Variants in PTPRD observed in about 807,000 individuals in gnomAD.
PTPRD encodes receptor-type tyrosine-protein phosphatase delta.
In PTPRD, 34 loss-of-function variants were observed where a neutral mutation model predicts 214.5. The observed-to-expected ratio is 0.16, with a 90% CI of 0.12 to 0.21. The LOEUF (loss-of-function observed/expected upper bound fraction) is 0.21. Among genes scored for constraint, PTPRD ranks in the 10% least tolerant of loss-of-function variants. The probability of loss-of-function intolerance (pLI) is 1.00; values close to 1 mark genes in which losing one functional copy is unlikely to be tolerated. For synonymous variants in PTPRD, 1,128 were observed against 845.7 expected (o/e 1.33, Z -5.79); for missense variants, 2,545 against 2,398.7 (o/e 1.06, Z -1.27).
intron 35 of PTPRD, among the ~76,000 whole-genome samples, chr9:8,432,391 G>A (rs1590248907): frequency 6.6e-6 from 1 of 152,170 alleles, no homozygotes; most frequent in Non-Finnish European, 1.5e-5. Flanking sequence ...TACAGTACAG[G>A]AAGTGTCTCA....
At position 8,900,303 on chromosome 9, in the gene PTPRD, T is replaced by C. The variant is rs140867713; in HGVS notation, c.-104+118394A>G. Among the ~76,000 whole-genome samples the C allele has an allele frequency of 3.1e-3, 473 of 152,312 alleles. 4 individuals carry two copies. The highest frequency in any genetic ancestry group is 0.011 in the African/African-American group (437 of 41,572). On this transcript the variant is annotated intron_variant, in intron 11 of 45. Transcript: ENST00000381196. ...CAGGTTATCATACCATTAAAATATT[T>C]GTGCACAGGAATGAAGATATTGACA...
chr9:8,819,419 T>C (rs1365018756), intron 11 of PTPRD, among the ~76,000 whole-genome samples: 2 of 152,266 alleles, frequency 1.3e-5, no homozygotes, highest in South Asian at 2.1e-4. Context: ...TCCCAGCACT[T>C]TGGGAGGCTG....
At chr9:9,515,046 T>A (rs1451221002) in intron 8 of PTPRD, among the ~76,000 whole-genome samples, 1 of 152,142 alleles carries the variant, frequency 6.6e-6, no homozygotes, top group Non-Finnish European at 1.5e-5. Context: ...TACATTTATA[T>A]GTTGGGTAGC....
chr9:8,987,399 T>C (rs2099349879), intron 11 of PTPRD, among the ~76,000 whole-genome samples: 1 of 152,010 alleles, frequency 6.6e-6, no homozygotes. Flanking sequence ...AACACAATGA[T>C]TACTATGCTA....
intron 10 of PTPRD, among the ~76,000 whole-genome samples, chr9:9,173,322 C>CAT (rs1163740852): frequency 6.6e-6 from 1 of 152,144 alleles, no homozygotes. Context: ...GTCTGGTATT[C>CAT]AGCAAGTAAA....
At chr9:9,298,881 G>C (rs777067820) in intron 9 of PTPRD, among the ~76,000 whole-genome samples, 1 of 151,750 alleles carries the variant, frequency 6.6e-6, no homozygotes, top group Admixed American at 6.6e-5. Context: ...TATTAATCCT[G>C]TCAGCAATAC....
chr9:10,251,477 C>T (rs922056185), intron 3 of PTPRD, among the ~76,000 whole-genome samples: 1 of 151,356 alleles, frequency 6.6e-6, no homozygotes, highest in Non-Finnish European at 1.5e-5. Flanking sequence ...ATCTTCATTT[C>T]GAGTTATGTG....
intron 13 of PTPRD, among the ~76,000 whole-genome samples, chr9:8,634,407 T>C (rs899295152): frequency 8.5e-5 from 13 of 152,064 alleles, no homozygotes; most frequent in South Asian, 2.1e-4. Context: ...TATGAATAAA[T>C]TGAGATTGCC....
chr9:9,592,664 G>T (rs1049592075), intron 7 of PTPRD, among the ~76,000 whole-genome samples: 2 of 151,924 alleles, frequency 1.3e-5, no homozygotes, highest in Non-Finnish European at 2.9e-5. Context: ...ATCTACAGTG[G>T]ATTTTTTCCC....
intron 11 of PTPRD, among the ~76,000 whole-genome samples, chr9:8,898,350 A>G (rs1310176706): frequency 1.3e-5 from 2 of 152,148 alleles, no homozygotes; most frequent in Non-Finnish European, 2.9e-5. Context: ...GAAGGAGAAG[A>G]AAACTGAAAG....
intron 5 of PTPRD, among the ~76,000 whole-genome samples, chr9:9,865,834 C>T (rs937183748): frequency 6.6e-6 from 1 of 152,182 alleles, no homozygotes; most frequent in Non-Finnish European, 1.5e-5. Context: ...GATAATTTAG[C>T]TCTTTTCAAA....
chr9:10,161,543 A>C (rs2099127166), intron 3 of PTPRD, among the ~76,000 whole-genome samples: 2 of 151,942 alleles, frequency 1.3e-5, no homozygotes, highest in South Asian at 4.1e-4. Context: ...TATAACAATA[A>C]AATCAAAATG....
At chr9:10,527,365 C>G (rs1266421492) in intron 2 of PTPRD, among the ~76,000 whole-genome samples, 1 of 152,118 alleles carries the variant, frequency 6.6e-6, no homozygotes, top group Non-Finnish European at 1.5e-5. Context: ...TAATTAGTGA[C>G]ACACCTGGGA....
At chr9:10,062,495 A>C (rs1199291679) in intron 3 of PTPRD, among the ~76,000 whole-genome samples, 4 of 152,036 alleles carry the variant, frequency 2.6e-5, no homozygotes, top group Non-Finnish European at 5.9e-5. Context: ...AATCACAGCT[A>C]TTTGGTAGGC....
chr9:8,445,206 G>A (rs1202708669), intron 34 of PTPRD, among the ~76,000 whole-genome samples: 1 of 152,108 alleles, frequency 6.6e-6, no homozygotes, highest in African/African-American at 2.4e-5. Flanking sequence ...TACAACTGAT[G>A]TTACTTAAAT....
intron 2 of PTPRD, among the ~76,000 whole-genome samples, chr9:10,576,532 C>G (rs1192407514): frequency 6.6e-6 from 1 of 152,044 alleles, no homozygotes; most frequent in African/African-American, 2.4e-5. Context: ...AATAAGGTGA[C>G]TGAAAGACAT....
At chr9:9,551,637 C>G (rs1310153801) in intron 8 of PTPRD, among the ~76,000 whole-genome samples, 1 of 151,922 alleles carries the variant, frequency 6.6e-6, no homozygotes, top group East Asian at 1.9e-4. Flanking sequence ...ATCCTTTGTT[C>G]TTCTTTCATC....
chr9:10,563,629 T>A (rs1053839731), intron 2 of PTPRD, among the ~76,000 whole-genome samples: 1 of 152,098 alleles, frequency 6.6e-6, no homozygotes, highest in Non-Finnish European at 1.5e-5. Flanking sequence ...TACCCTGTCA[T>A]TGAAACACTG....
intron 2 of PTPRD, among the ~76,000 whole-genome samples, chr9:10,350,769 C>T (rs941461577): frequency 2.0e-5 from 3 of 152,196 alleles, no homozygotes; most frequent in East Asian, 1.9e-4. Flanking sequence ...TTGATTTCTA[C>T]ATTCCATCAT....
Sources: allele counts gnomAD v4.1 joint callset (sites outside exome capture counted in the v4.1 genomes callset), GRCh38; gene constraint gnomAD v4.1.1; transcripts MANE v1.5; gene names NCBI Gene and HGNC (gene_info 2026-07-23, HGNC 2026-07-21).